RAP1GAP2: variants seen among roughly 807,000 people sequenced by gnomAD.
The protein encoded by RAP1GAP2 is RAP1 GTPase activating protein 2, also known as rap1 GTPase-activating protein 2.
RAP1GAP2 carries 27 observed loss-of-function variants against 95.0 expected under a neutral mutation model. The observed-to-expected ratio is 0.28, with a 90% CI of 0.21 to 0.39. RAP1GAP2 has a LOEUF of 0.39. RAP1GAP2 is among the 10% of genes least tolerant of loss of function. The probability of loss-of-function intolerance (pLI) is 1.00; values close to 1 mark genes in which losing one functional copy is unlikely to be tolerated. For synonymous variants in RAP1GAP2, 373 were observed against 380.9 expected (o/e 0.98, Z 0.24); for missense variants, 771 against 970.0 (o/e 0.79, Z 2.72).
upstream of RAP1GAP2, among the ~76,000 whole-genome samples, chr17:2,792,587 C>T (rs998666503): frequency 1.3e-5 from 2 of 152,164 alleles, no homozygotes; most frequent in East Asian, 1.9e-4. Flanking sequence ...AGTCTGGGGA[C>T]GTGTGGGCCC....
At chr17:2,931,788 C>A (rs1291812616) in intron 3 of RAP1GAP2, among the ~76,000 whole-genome samples, 3 of 152,194 alleles carry the variant, frequency 2.0e-5, no homozygotes, top group Admixed American at 6.5e-5. Context: ...TGAAATGAAA[C>A]TCCCAGCAAG....
intron 3 of RAP1GAP2, among the ~76,000 whole-genome samples, chr17:2,937,156 G>A (rs1269299130): frequency 6.6e-5 from 10 of 152,128 alleles, no homozygotes; most frequent in African/African-American, 2.4e-4. Flanking sequence ...AAGACCTAAA[G>A]GCCAAGTAGG....
chr17:2,947,040 C>T (rs958031397), intron 3 of RAP1GAP2, among the ~76,000 whole-genome samples: 41 of 152,348 alleles, frequency 2.7e-4, no homozygotes, highest in Middle Eastern at 3.4e-3. Context: ...CAGGCGTGAG[C>T]CACCGTGCCC....
At chr17:2,767,818 C>T (rs979506161) in intron 1 of RAP1GAP2, among the ~76,000 whole-genome samples, 1 of 151,718 alleles carries the variant, frequency 6.6e-6, no homozygotes, top group African/African-American at 2.4e-5. Context: ...CTGCAAGCTC[C>T]GCCTCCCAGG....
intron 8 of RAP1GAP2, among the ~76,000 whole-genome samples, chr17:2,974,288 G>A (rs1349880546): frequency 1.3e-5 from 2 of 151,812 alleles, no homozygotes; most frequent in African/African-American, 2.4e-5. Flanking sequence ...GGCGGAGCTT[G>A]TAGTGAGCCG....
rs914230647 is a variant in RAP1GAP2 at position 3,029,739 on chromosome 17, T to C, written c.2108-1183T>C. On this transcript the variant is annotated intron_variant, in intron 22 of 24. Transcript: ENST00000254695. This position sits in a 1 kb window ranked among gnomAD's most constrained non-coding sequence, Gnocchi z 4.4. ...CCTCGGCCAGAGGACAGCCAGAAAG[T>C]CAAGTGGCCCTCCTGCCAGCGGGGC... Among the ~76,000 whole-genome samples, 19 of 152,142 alleles carry C rather than the reference T, an allele frequency of 1.2e-4. No homozygotes were observed. Among genetic ancestry groups the C allele is most frequent in the Non-Finnish European group, 2.2e-4 (15 of 68,006 alleles).
chr17:2,997,704 G>A (rs935509781), intron 13 of RAP1GAP2, among the ~76,000 whole-genome samples: 2 of 151,922 alleles, frequency 1.3e-5, no homozygotes, highest in South Asian at 2.1e-4. Flanking sequence ...AGGCTGAGGC[G>A]GGCTGGTCAG....
intron 2 of RAP1GAP2, 98 bp downstream of exon 2, chr17:2,800,648 T>C (rs977535310): frequency 2.1e-5 from 27 of 1,280,778 alleles, no homozygotes; most frequent in Non-Finnish European, 2.8e-5. Flanking sequence ...CAAGAGGGGC[T>C]GTCGTGTTTG....
At chr17:2,831,438 T>A (rs1417389021) in intron 2 of RAP1GAP2, among the ~76,000 whole-genome samples, 1 of 151,972 alleles carries the variant, frequency 6.6e-6, no homozygotes, top group African/African-American at 2.4e-5. Flanking sequence ...ACATCTTGCC[T>A]TTTTCTCTGG....
chr17:2,911,745 G>A (rs921554642), intron 3 of RAP1GAP2, among the ~76,000 whole-genome samples: 2 of 152,080 alleles, frequency 1.3e-5, no homozygotes, highest in Non-Finnish European at 2.9e-5. Flanking sequence ...GCAAGCATGG[G>A]GGTCAGGGTG....
At position 2,788,666 on chromosome 17, in the gene RAP1GAP2, G is replaced by A. The variant is rs534744607; in HGVS notation, c.-14+11388G>A. 2.0e-5 allele frequency among the ~76,000 whole-genome samples: 3 copies of A among 152,256 alleles called. No individual in the cohort carries two copies. The South Asian group carries it at 6.2e-4, about 32-fold the overall frequency. On this transcript the variant is annotated intron_variant, in intron 1 of 24. Coordinates refer to the RAP1GAP2 transcript ENST00000540393. ...CCATGATTTGCCGTCTATTAGCTGGGGATCCAGGAAAGCTGGTGGTATGTT... is the reference window on the plus strand; with the variant it reads ...CCATGATTTGCCGTCTATTAGCTGGAGATCCAGGAAAGCTGGTGGTATGTT...
intron 2 of RAP1GAP2, chr17:2,854,047 G>A (rs1437903458): frequency 1.0e-6 from 1 of 985,144 alleles, no homozygotes; most frequent in African/African-American, 1.7e-5. Flanking sequence ...GATCCGCGCC[G>A]CCGTGGTGCT....
chr17:2,969,432 A>AAC (rs34917196), intron 8 of RAP1GAP2, among the ~76,000 whole-genome samples: 53,414 of 146,188 alleles, frequency 0.37, 10,099 homozygotes, highest in Admixed American at 0.43. Flanking sequence ...AACCATTTGA[A>AAC]ACACACACAC....
chr17:2,983,264 C>A (rs2045437258), intron 10 of RAP1GAP2, among the ~76,000 whole-genome samples: 1 of 151,794 alleles, frequency 6.6e-6, no homozygotes, highest in South Asian at 2.1e-4. Context: ...GTTTTCACCG[C>A]TGTCCTTCAA....
intron 4 of RAP1GAP2, among the ~76,000 whole-genome samples, chr17:2,958,556 G>T (rs2044202909): frequency 6.6e-6 from 1 of 152,050 alleles, no homozygotes; most frequent in Non-Finnish European, 1.5e-5. Flanking sequence ...TTCCTGCTAA[G>T]GCCTTCAGAA....
In RAP1GAP2 at chr17:2,857,761, G is replaced by C. The variant is rs184571283; in HGVS notation, c.81-47523G>C. ...CTTGGCTCCCTGAGGGGGAAAACAG[G>C]CAGCTTTGCTGGGAAGGACGGAGGC... On this transcript the variant is annotated intron_variant, in intron 2 of 24. Coordinates refer to ENST00000254695, the MANE Select transcript of RAP1GAP2 (RefSeq NM_015085.5). This position sits in a 1 kb window ranked among gnomAD's most constrained non-coding sequence, Gnocchi z 4.0. Among the ~76,000 whole-genome samples the C allele has an allele frequency of 9.9e-3, 1,512 of 152,306 alleles. 22 individuals carry two copies. The highest frequency in any genetic ancestry group is 0.043 in the South Asian group (208 of 4,820).
At chr17:2,990,057 T>C (rs2045699228) in intron 11 of RAP1GAP2, among the ~76,000 whole-genome samples, 2 of 152,254 alleles carry the variant, frequency 1.3e-5, no homozygotes, top group African/African-American at 4.8e-5. Context: ...CAGGTCGTAG[T>C]ATGTATCAGC....
intron 17 of RAP1GAP2, among the ~76,000 whole-genome samples, chr17:3,015,895 T>G (rs111395177): frequency 1.3e-5 from 2 of 151,390 alleles, no homozygotes; most frequent in Non-Finnish European, 2.9e-5. Context: ...ACACATGGGG[T>G]GTGTGAGCCA....
Position 2,965,554 on chromosome 17 carries a change from T to C in RAP1GAP2, c.507T>C (p.Phe169=), listed in dbSNP as rs2044554622. 2 of 1,611,872 alleles carry C rather than the reference T, an allele frequency of 1.2e-6. No homozygotes were observed. Among genetic ancestry groups the C allele is most frequent in the Non-Finnish European group, 8.5e-7 (1 of 1,179,178 alleles). Residue 169 remains phenylalanine, a synonymous_variant, in exon 8 of 25, where the codon TTT becomes TTC. Coordinates refer to ENST00000254695, the MANE Select transcript of RAP1GAP2 (RefSeq NM_015085.5). This position sits in a 1 kb window ranked among gnomAD's most constrained non-coding sequence, Gnocchi z 4.7. ...RHFLGKDHLN[F]YCTGSSLGNL... is the part of the protein sequence containing the mutation. Reference sequence around the variant, plus strand: ...TCTTTTTTTAGGATCATCTAAACTTTTACTGTACCGGCAGCAGCCTGGGGA... The same window carrying C: ...TCTTTTTTTAGGATCATCTAAACTTCTACTGTACCGGCAGCAGCCTGGGGA...
Sources: allele counts gnomAD v4.1 joint callset (sites outside exome capture counted in the v4.1 genomes callset), GRCh38; gene constraint gnomAD v4.1.1; non-coding constraint Gnocchi (gnomAD v3.1); transcripts MANE v1.5; gene names NCBI Gene and HGNC (gene_info 2026-07-23, HGNC 2026-07-21).